Variants in PIK3CD observed in about 807,000 individuals in gnomAD.
PIK3CD encodes the protein phosphatidylinositol-4,5-bisphosphate 3-kinase catalytic subunit delta.
PIK3CD carries 20 observed loss-of-function variants against 122.9 expected under a neutral mutation model. The observed-to-expected ratio is 0.16, with a 90% CI of 0.11 to 0.24. PIK3CD has a LOEUF of 0.24. PIK3CD is among the 10% of genes least tolerant of loss of function. PIK3CD has a pLI of 1.00. For synonymous variants in PIK3CD, 596 were observed against 593.4 expected (o/e 1.00, Z -0.06); for missense variants, 787 against 1,406.3 (o/e 0.56, Z 7.04).
chr1:9,725,698 G>A (rs1200226082), intron 23 of PIK3CD, among the ~76,000 whole-genome samples: 2 of 152,042 alleles, frequency 1.3e-5, no homozygotes, highest in African/African-American at 4.8e-5. Flanking sequence ...CCAACATGGT[G>A]AAACCCTGTC....
chr1:9,633,983 C>CT, the PIK3CD span, among the ~76,000 whole-genome samples: 10 of 150,980 alleles, frequency 6.6e-5, no homozygotes, highest in Admixed American at 1.3e-4. Flanking sequence ...TCCTTTTTTT[C>CT]TTTTTTTTAG....
At position 9,722,514 on chromosome 1, in the gene PIK3CD, G is replaced by T; in HGVS notation, c.2348-14G>T. 6.2e-7 allele frequency: 1 copy of T among 1,609,606 alleles called. No homozygotes were observed. ...AGAAACTCACGCTTCTCCTCCCACC[G>T]GCCGGTGGCACAGACCTCCGGCAGG... On this transcript the variant is annotated splice_polypyrimidine_tract_variant and intron_variant, in intron 18 of 23. Transcript: ENST00000377346. The surrounding 1 kb of genome is among the most constrained non-coding windows in gnomAD (Gnocchi z 7.6).
Position 9,710,373 on chromosome 1 carries a change from T to C in PIK3CD, c.-32-51T>C. 7 of 1,452,340 alleles carry C rather than the reference T, an allele frequency of 4.8e-6. No individual in the cohort carries two copies. The South Asian group carries it at 8.0e-5, about 17-fold the overall frequency. 90.0% of individuals were successfully genotyped at this position (1,452,340 alleles called of 1,614,324 possible). ...TTTTCCAGGGAGTCCCTTCCAAAGG[T>C]CTCACCCAGCTCAGCTGAGGTAACT... On this transcript the variant is annotated intron_variant, in intron 2 of 23. Transcript: ENST00000377346. The surrounding 1 kb of genome is among the most constrained non-coding windows in gnomAD (Gnocchi z 4.7).
intron 1 of PIK3CD, among the ~76,000 whole-genome samples, chr1:9,670,116 C>T (rs1362947417): frequency 6.8e-6 from 1 of 146,444 alleles, no homozygotes; most frequent in Admixed American, 7.0e-5. Context: ...AGAGGTTGCA[C>T]TCCAGCCTGG....
rs1423112466 is a variant in PIK3CD at position 9,720,784 on chromosome 1, G to A, written c.1564G>A (p.Glu522Lys). The A allele has an allele frequency of 6.2e-7, 1 of 1,612,906 alleles. No homozygotes were observed. Among genetic ancestry groups the A allele is most frequent in the Non-Finnish European group, 8.5e-7 (1 of 1,179,764 alleles). ...REILERRGSGELYEHEKDLVW... is the reference protein window; with the variant it reads ...REILERRGSGKLYEHEKDLVW... ...AATCCTGGAGCGGCGGGGGTCTGGG[G>A]AGCTGTATGAGCACGAGAAGGACCT... The change falls in exon 13 of 24, where the codon GAG (glutamate) becomes AAG (lysine). Residue 522 changes from glutamate (E) to lysine (K), a missense_variant. This residue lies in a region of PIK3CD where 592 missense variants were observed against 920.6 expected (regional missense o/e 0.64). Coordinates refer to ENST00000377346, the MANE Select transcript of PIK3CD (RefSeq NM_005026.5). This position sits in a 1 kb window ranked among gnomAD's most constrained non-coding sequence, Gnocchi z 9.0.
chr1:9,659,762 T>C (rs2100805425), intron 1 of PIK3CD, among the ~76,000 whole-genome samples: 1 of 152,278 alleles, frequency 6.6e-6, no homozygotes, highest in Admixed American at 6.5e-5. Context: ...ATTCTTTTCT[T>C]TTTTTGAGAC....
In PIK3CD at chr1:9,652,340, T is replaced by A. The variant is rs1644701465; in HGVS notation, c.-138+538T>A. ...TGCGCACAGTTCGCCGGCGCCCGGG[T>A]CCTGTGCGCCCTTCCCAGCCTGGGC... On this transcript the variant is annotated intron_variant, in intron 1 of 23. Transcript: ENST00000377346. The surrounding 1 kb of genome is among the most constrained non-coding windows in gnomAD (Gnocchi z 6.2). Among the ~76,000 whole-genome samples, 1 of 151,866 alleles carries A rather than the reference T, an allele frequency of 6.6e-6. No individual in the cohort carries two copies. Among genetic ancestry groups the A allele is most frequent in the African/African-American group, 2.4e-5 (1 of 41,354 alleles).
chr1:9,701,573 G>A (rs1372921962), intron 2 of PIK3CD, among the ~76,000 whole-genome samples: 2 of 151,628 alleles, frequency 1.3e-5, no homozygotes, highest in African/African-American at 4.9e-5. Context: ...CGAGGCTGAG[G>A]CAGGAGAATT....
chr1:9,725,159 GTGTAGTGACC>G (rs1649318150), intron 23 of PIK3CD, among the ~76,000 whole-genome samples: 1 of 152,242 alleles, frequency 6.6e-6, no homozygotes, highest in African/African-American at 2.4e-5. Context: ...AGTGGCAGAT[GTGTAGTGACC>G]TCTCCTGGTT....
the PIK3CD span, among the ~76,000 whole-genome samples, chr1:9,633,736 G>A: frequency 6.6e-6 from 1 of 152,228 alleles, no homozygotes. Flanking sequence ...AGAGTGAAAA[G>A]AGGAAATCAT....
At chr1:9,638,479 T>C in the PIK3CD span, among the ~76,000 whole-genome samples, 3 of 151,942 alleles carry the variant, frequency 2.0e-5, no homozygotes, top group Admixed American at 6.6e-5. Context: ...ACACCTGTAA[T>C]CCCAGCACTT....
Position 9,717,661 on chromosome 1 carries a change from T to C in PIK3CD, c.1020+35T>C. ...CTGGGATAGGTGGGAGAGACACTGT[T>C]TTTTTGCACAAACAAGGTGGCTGTA... On this transcript the variant is annotated intron_variant, in intron 8 of 23. Transcript: ENST00000377346. This position sits in a 1 kb window ranked among gnomAD's most constrained non-coding sequence, Gnocchi z 5.4. 1 of 1,593,380 alleles carries C rather than the reference T, an allele frequency of 6.3e-7. No homozygotes were observed. Among genetic ancestry groups the C allele is most frequent in the Non-Finnish European group, 8.6e-7 (1 of 1,161,832 alleles).
chr1:9,639,355 G>A, the PIK3CD span, among the ~76,000 whole-genome samples: 1 of 152,108 alleles, frequency 6.6e-6, no homozygotes, highest in African/African-American at 2.4e-5. Context: ...GAGCACCCTA[G>A]GTAGTGGTGG....
At chr1:9,649,238 C>CT (rs112752756), upstream of PIK3CD, among the ~76,000 whole-genome samples, 52 of 150,958 alleles carry the variant, frequency 3.4e-4, 1 homozygote, top group African/African-American at 8.3e-4. Context: ...CGCTCTTTTT[C>CT]TTTTTTTTTC....
In PIK3CD at chr1:9,723,368, C is replaced by A; in HGVS notation, c.2594+76C>A. On this transcript the variant is annotated intron_variant, in intron 20 of 23. Coordinates refer to ENST00000377346, the MANE Select transcript of PIK3CD (RefSeq NM_005026.5). The surrounding 1 kb of genome is among the most constrained non-coding windows in gnomAD (Gnocchi z 4.9). ...AGTGGGAGGGCCTCGCCTGTCAGAA[C>A]AAAGGAGCGGGGAGGGGCCTCAGAC... 1 of 1,485,904 alleles carries A rather than the reference C, an allele frequency of 6.7e-7. No homozygotes were observed. The highest frequency in any genetic ancestry group is 9.4e-7 in the Non-Finnish European group (1 of 1,064,428). The allele number at this position is 1,485,904 out of a possible 1,614,324, so 92.0% of individuals were successfully genotyped here. A position where few individuals can be genotyped will look rare whatever the true frequency, so the allele number is the denominator to read the frequency against.
chr1:9,719,668 A>G lies in PIK3CD; in HGVS notation c.1243-253A>G, dbSNP rs1448362479. Among the ~76,000 whole-genome samples, 1 of 151,752 alleles carries G rather than the reference A, an allele frequency of 6.6e-6. No individual in the cohort carries two copies. Among genetic ancestry groups the G allele is most frequent in the Non-Finnish European group, 1.5e-5 (1 of 67,866 alleles). ...AGAGCAAGACTCCGTCTCAAAAAAA[A>G]AAAAAAGCCTGAGTAGGGGTGAGGT... is the stretch of plus-strand genomic sequence containing the variant. On this transcript the variant is annotated intron_variant, in intron 9 of 23. Coordinates refer to ENST00000377346, the MANE Select transcript of PIK3CD (RefSeq NM_005026.5). This position sits in a 1 kb window ranked among gnomAD's most constrained non-coding sequence, Gnocchi z 5.5.
At chr1:9,694,513 G>A (rs1204422232) in intron 2 of PIK3CD, among the ~76,000 whole-genome samples, 3 of 152,168 alleles carry the variant, frequency 2.0e-5, no homozygotes, top group South Asian at 2.1e-4. Context: ...CAGCGTGAGC[G>A]ACAGAGTGAG....
intron 1 of PIK3CD, chr1:9,654,555 G>C: frequency 8.1e-6 from 4 of 494,346 alleles, no homozygotes; most frequent in Non-Finnish European, 1.4e-5. Flanking sequence ...GTGAGAGTCG[G>C]TTCCTGCTTC....
chr1:9,655,081 GAAA>G (rs897457442), intron 1 of PIK3CD, among the ~76,000 whole-genome samples: 1 of 141,000 alleles, frequency 7.1e-6, no homozygotes, highest in Non-Finnish European at 1.5e-5. Context: ...AAAAAAAAAA[GAAA>G]AAAAAGCTCT....
Sources: allele counts gnomAD v4.1 joint callset (sites outside exome capture counted in the v4.1 genomes callset), GRCh38; gene constraint gnomAD v4.1.1; regional missense constraint gnomAD v4.1.1; non-coding constraint Gnocchi (gnomAD v3.1); transcripts MANE v1.5; gene names NCBI Gene and HGNC (gene_info 2026-07-23, HGNC 2026-07-21).